Variants in PHAF1 observed in about 807,000 individuals in gnomAD.
The protein encoded by PHAF1 is phagosome assembly factor 1.
A neutral mutation model predicts 63.1 loss-of-function variants in PHAF1; 23 were observed. The ratio of observed to expected loss-of-function variants is 0.36; its 90% CI spans 0.26 to 0.52. The LOEUF (loss-of-function observed/expected upper bound fraction) is 0.52, where lower values mean the gene tolerates loss of function less well. Among genes scored for constraint, PHAF1 ranks in the 20% least tolerant of loss-of-function variants. The probability of loss-of-function intolerance (pLI) is 0.93; values close to 1 mark genes in which losing one functional copy is unlikely to be tolerated. For missense variants in PHAF1, 427 were observed against 517.2 expected (o/e 0.83, Z 1.69); for synonymous variants, 167 against 185.0 (o/e 0.90, Z 0.79).
At chr16:67,116,811 C>T (rs1962749952) in intron 1 of PHAF1, among the ~76,000 whole-genome samples, 1 of 152,102 alleles carries the variant, frequency 6.6e-6, no homozygotes, top group Non-Finnish European at 1.5e-5. Context: ...GATTGCACCA[C>T]TACACTCCAG....
intron 3 of PHAF1, among the ~76,000 whole-genome samples, chr16:67,127,546 C>G (rs540397711): frequency 6.6e-6 from 1 of 152,180 alleles, no homozygotes; most frequent in Admixed American, 6.5e-5. Context: ...CCTGTAATCC[C>G]AGCACTTTGG....
chr16:67,110,355 G>A (rs1962461122), intron 1 of PHAF1, 116 bp downstream of exon 1: 3 of 1,172,418 alleles, frequency 2.6e-6, no homozygotes, highest in Admixed American at 2.2e-5. Flanking sequence ...CACCTCTTTC[G>A]TCCTCTCGGC....
At chr16:67,141,823 G>A (rs769659040) in intron 10 of PHAF1, among the ~76,000 whole-genome samples, 1 of 152,246 alleles carries the variant, frequency 6.6e-6, no homozygotes, top group Non-Finnish European at 1.5e-5. Context: ...CCCAAACAGG[G>A]TGTCACAGCT....
chr16:67,133,501 TAAAAAAAAAAAA>T (rs757439473), intron 6 of PHAF1, among the ~76,000 whole-genome samples: 2 of 99,794 alleles, frequency 2.0e-5, no homozygotes, highest in African/African-American at 7.2e-5. Context: ...CCAAAAATAT[TAAAAAAAAAAAA>T]AAAAAAAAAC....
chr16:67,111,885 G>T (rs1365910012), intron 1 of PHAF1, among the ~76,000 whole-genome samples: 2 of 152,174 alleles, frequency 1.3e-5, no homozygotes, highest in Non-Finnish European at 2.9e-5. Flanking sequence ...CTCCCAAAGT[G>T]CTAGGATTAC....
At chr16:67,133,986 T>C (rs1293640594) in intron 6 of PHAF1, among the ~76,000 whole-genome samples, 182 bp from the exon 7 acceptor site, 1 of 151,444 alleles carries the variant, frequency 6.6e-6, no homozygotes, top group Non-Finnish European at 1.5e-5. Context: ...CAAGCAGAAT[T>C]AAAGGTGGAC....
chr16:67,110,140 C>T lies in PHAF1; in HGVS notation c.-36C>T. On this transcript the variant is annotated 5_prime_UTR_variant, in exon 1 of 16. Coordinates refer to ENST00000219139, the MANE Select transcript of PHAF1 (RefSeq NM_025187.5). ...TTAGCTCGGGTCCCTTCTGCGCTGC[C>T]GCAGGGAGGCCGCCCGGGCCAGGCG... The T allele has an allele frequency of 6.5e-7, 1 of 1,549,426 alleles. No homozygotes were observed. Among genetic ancestry groups the T allele is most frequent in the Admixed American group, 2.0e-5 (1 of 51,008 alleles).
chr16:67,134,602 A>C (rs1200477321), intron 8 of PHAF1, 135 bp downstream of exon 8: 9 of 819,794 alleles, frequency 1.1e-5, no homozygotes, highest in Admixed American at 1.9e-5. Context: ...AGTGGCTGCT[A>C]AACAACAAAA....
intron 8 of PHAF1, 199 bp downstream of exon 8, chr16:67,134,666 G>A: frequency 1.5e-6 from 1 of 676,262 alleles, no homozygotes; most frequent in Non-Finnish European, 2.7e-6. Context: ...GGCACTGGCA[G>A]ATTCAGTATC....
chr16:67,120,103 T>G lies in PHAF1; in HGVS notation c.65-9T>G, dbSNP rs775964035. On this transcript the variant is annotated splice_polypyrimidine_tract_variant and intron_variant, in intron 1 of 15. Transcript: ENST00000219139. ...AAAATAACCACATAGGTGTCTTGCT[T>G]TATTTCAGGAATGCCTCTGGCTCAG... is the stretch of plus-strand genomic sequence containing the variant. 4 of 1,613,052 alleles carry G rather than the reference T, an allele frequency of 2.5e-6. No individual in the cohort carries two copies. In the South Asian group the frequency reaches 4.4e-5, roughly 18 times the overall value.
At chr16:67,140,352 C>G (rs1362922237) in intron 9 of PHAF1, among the ~76,000 whole-genome samples, 159 bp from the exon 10 acceptor site, 1 of 152,166 alleles carries the variant, frequency 6.6e-6, no homozygotes, top group East Asian at 1.9e-4. Context: ...AGCTGGCCCC[C>G]TCTCCTCCTA....
intron 2 of PHAF1, among the ~76,000 whole-genome samples, chr16:67,125,754 A>C (rs912514881): frequency 6.6e-6 from 1 of 152,224 alleles, no homozygotes; most frequent in Non-Finnish European, 1.5e-5. Context: ...CGATATTAAG[A>C]AACAGCAGCT....
chr16:67,110,145 G>A lies in PHAF1; in HGVS notation c.-31G>A. 1 of 1,550,222 alleles carries A rather than the reference G, an allele frequency of 6.5e-7. No individual in the cohort carries two copies. Among genetic ancestry groups the A allele is most frequent in the East Asian group, 2.4e-5 (1 of 40,924 alleles). Reference sequence around the variant, plus strand: ...TCGGGTCCCTTCTGCGCTGCCGCAGGGAGGCCGCCCGGGCCAGGCGAGCCG... The same window carrying A: ...TCGGGTCCCTTCTGCGCTGCCGCAGAGAGGCCGCCCGGGCCAGGCGAGCCG... On this transcript the variant is annotated 5_prime_UTR_variant, in exon 1 of 16. Transcript: ENST00000219139.
intron 4 of PHAF1, 64 bp from the exon 5 acceptor site, chr16:67,132,382 A>G: frequency 1.5e-6 from 2 of 1,352,314 alleles, no homozygotes; most frequent in East Asian, 4.6e-5. Context: ...CCCAGCTACT[A>G]TCTCACATGA....
intron 2 of PHAF1, among the ~76,000 whole-genome samples, chr16:67,122,068 A>T (rs1178665327): frequency 1.3e-5 from 2 of 149,300 alleles, no homozygotes; most frequent in Non-Finnish European, 3.0e-5. Flanking sequence ...TGGCTAATTT[A>T]TTTTTATATT....
intron 10 of PHAF1, among the ~76,000 whole-genome samples, chr16:67,143,707 A>G (rs1963889434): frequency 6.6e-6 from 1 of 152,222 alleles, no homozygotes; most frequent in African/African-American, 2.4e-5. Flanking sequence ...CACGGAGCTT[A>G]TATTCAGAGG....
At chr16:67,125,259 C>T (rs1166286327) in intron 2 of PHAF1, among the ~76,000 whole-genome samples, 3 of 152,172 alleles carry the variant, frequency 2.0e-5, no homozygotes, top group African/African-American at 7.2e-5. Context: ...CTTTGTTCTG[C>T]TACTCCCCTC....
At chr16:67,136,742 C>G (rs1379459107) in intron 8 of PHAF1, among the ~76,000 whole-genome samples, 1 of 151,800 alleles carries the variant, frequency 6.6e-6, no homozygotes. Context: ...ACCACCACAC[C>G]CAGCTAATTC....
chr16:67,136,961 C>G (rs1963631768), intron 8 of PHAF1, among the ~76,000 whole-genome samples: 1 of 152,070 alleles, frequency 6.6e-6, no homozygotes, highest in African/African-American at 2.4e-5. Flanking sequence ...TTGAGACCAT[C>G]CTGACTAACG....
Sources: gnomAD v4.1 joint callset for allele counts (sites outside exome capture counted in the v4.1 genomes callset) on GRCh38, gnomAD v4.1.1 for gene constraint, MANE v1.5 for transcripts, NCBI Gene and HGNC (gene_info 2026-07-23, HGNC 2026-07-21) for gene names.